Variants in SNTG2 observed in about 807,000 individuals in gnomAD.
SNTG2 encodes gamma-2-syntrophin.
Under a neutral mutation model 70.9 loss-of-function variants are expected in SNTG2, and 74 were observed. The observed-to-expected ratio is 1.04, with a 90% CI of 0.86 to 1.27. The LOEUF (loss-of-function observed/expected upper bound fraction) is 1.27. Among genes scored for constraint, SNTG2 ranks in the 50% most tolerant of loss-of-function variants. The pLI is 0.00. For synonymous variants in SNTG2, 278 were observed against 273.8 expected (o/e 1.02, Z -0.15); for missense variants, 717 against 690.7 (o/e 1.04, Z -0.43).
At chr2:1,123,269 GAAAA>G (rs35572864) in intron 4 of SNTG2, among the ~76,000 whole-genome samples, 3 of 150,850 alleles carry the variant, frequency 2.0e-5, no homozygotes, top group African/African-American at 7.3e-5. Flanking sequence ...ACAGTTCTAA[GAAAA>G]AAAAAGTTGG....
chr2:1,238,210 A>G (rs890795622), intron 10 of SNTG2, among the ~76,000 whole-genome samples, 193 bp downstream of exon 10: 1 of 152,072 alleles, frequency 6.6e-6, no homozygotes, highest in African/African-American at 2.4e-5. Context: ...GAGTAAGGCA[A>G]TGTCTAACAG....
At chr2:1,069,151 G>T (rs993588964) in intron 1 of SNTG2, among the ~76,000 whole-genome samples, 10 of 152,080 alleles carry the variant, frequency 6.6e-5, no homozygotes, top group African/African-American at 2.4e-4. Flanking sequence ...TCTATGTTTT[G>T]GTCTTATCTC....
At chr2:1,126,439 A>G (rs990246269) in intron 4 of SNTG2, among the ~76,000 whole-genome samples, 9 of 152,350 alleles carry the variant, frequency 5.9e-5, no homozygotes, top group African/African-American at 1.7e-4. Context: ...TATTGCTACA[A>G]TTAACATGGG....
At chr2:977,953 T>C (rs184028897) in intron 1 of SNTG2, among the ~76,000 whole-genome samples, 1 of 152,368 alleles carries the variant, frequency 6.6e-6, no homozygotes. Context: ...GTAAGATCGC[T>C]GTCATTATCT....
Position 958,182 on chromosome 2 carries a change from G to C in SNTG2, c.72+7114G>C, listed in dbSNP as rs981291209. The stretch of plus-strand genomic sequence containing the variant: ...GGCTGCAGCCCCTGGGCGTCTGACT[G>C]TGAGAGAGATGTCTCTATCCCACGT... On this transcript the variant is annotated intron_variant, in intron 1 of 16. Transcript: ENST00000308624. Among the ~76,000 whole-genome samples the C allele has an allele frequency of 9.9e-5, 15 of 152,276 alleles. 1 individual carries two copies. Among genetic ancestry groups the C allele is most frequent in the African/African-American group, 3.6e-4 (15 of 41,546 alleles).
intron 9 of SNTG2, among the ~76,000 whole-genome samples, chr2:1,211,217 T>C (rs1674018976): frequency 6.6e-6 from 1 of 152,240 alleles, no homozygotes; most frequent in Non-Finnish European, 1.5e-5. Context: ...TGGGGTTAAT[T>C]TGGGAACAAA....
intron 14 of SNTG2, among the ~76,000 whole-genome samples, chr2:1,307,318 G>A (rs918641322): frequency 1.7e-4 from 25 of 149,958 alleles, no homozygotes; most frequent in African/African-American, 5.9e-4. Context: ...TGCATTGTGT[G>A]TGTGTGTGTG....
chr2:1,253,760 C>T (rs1677894707), intron 12 of SNTG2, among the ~76,000 whole-genome samples: 2 of 152,096 alleles, frequency 1.3e-5, no homozygotes, highest in East Asian at 1.9e-4. Flanking sequence ...GCAAGCTGTA[C>T]AGGAAGCACG....
chr2:1,111,148 A>T (rs1311449446), intron 4 of SNTG2, among the ~76,000 whole-genome samples: 4 of 152,234 alleles, frequency 2.6e-5, no homozygotes, highest in Admixed American at 2.6e-4. Context: ...CTTTATTGCT[A>T]ATGAATCAAT....
chr2:965,069 A>C (rs1416475577), intron 1 of SNTG2, among the ~76,000 whole-genome samples: 1 of 141,938 alleles, frequency 7.0e-6, no homozygotes, highest in East Asian at 2.0e-4. Flanking sequence ...AATCCTCCTT[A>C]GTCCCCCAGT....
chr2:1,307,551 C>A (rs1680755412), intron 14 of SNTG2, among the ~76,000 whole-genome samples: 1 of 151,988 alleles, frequency 6.6e-6, no homozygotes, highest in Non-Finnish European at 1.5e-5. Context: ...TTGGATGTCA[C>A]AGGGTGGCTC....
intron 8 of SNTG2, 97 bp from the exon 9 acceptor site, chr2:1,209,006 G>A (rs1673855786): frequency 1.4e-6 from 2 of 1,449,506 alleles, no homozygotes; most frequent in Middle Eastern, 2.5e-4. Context: ...GAAATGTGTT[G>A]GACTTGAGTT....
At chr2:1,266,463 G>C (rs73908980) in intron 13 of SNTG2, among the ~76,000 whole-genome samples, 1 of 152,176 alleles carries the variant, frequency 6.6e-6, no homozygotes, top group Non-Finnish European at 1.5e-5. Flanking sequence ...TGGGTTAAAC[G>C]ATTAACCAGA....
At chr2:1,363,769 A>C (rs1368915335) in intron 16 of SNTG2, among the ~76,000 whole-genome samples, 1 of 152,254 alleles carries the variant, frequency 6.6e-6, no homozygotes, top group Non-Finnish European at 1.5e-5. Context: ...CAGAGATATC[A>C]TGACTCAGCT....
chr2:1,244,782 T>C (rs1274698490), intron 11 of SNTG2, among the ~76,000 whole-genome samples: 2 of 151,958 alleles, frequency 1.3e-5, no homozygotes, highest in African/African-American at 4.8e-5. Flanking sequence ...TTCCACACTT[T>C]GATGCTAATC....
At chr2:1,148,655 C>T (rs546425595) in intron 6 of SNTG2, among the ~76,000 whole-genome samples, 23 of 152,322 alleles carry the variant, frequency 1.5e-4, no homozygotes, top group South Asian at 1.5e-3. Context: ...GGGTTCCCCC[C>T]GCTCCTTGTG....
At chr2:1,091,487 G>T (rs538735957) in intron 2 of SNTG2, among the ~76,000 whole-genome samples, 1 of 152,188 alleles carries the variant, frequency 6.6e-6, no homozygotes, top group Admixed American at 6.5e-5. Context: ...ATGCCAGGAC[G>T]CAAACATCAT....
chr2:1,251,372 A>C (rs1429935117), intron 12 of SNTG2, among the ~76,000 whole-genome samples: 1 of 152,146 alleles, frequency 6.6e-6, no homozygotes, highest in East Asian at 1.9e-4. Context: ...CAGTCTGTGA[A>C]GCTTTTGAGT....
chr2:979,565 G>A (rs187833403), intron 1 of SNTG2, among the ~76,000 whole-genome samples: 1 of 152,270 alleles, frequency 6.6e-6, no homozygotes, highest in African/African-American at 2.4e-5. Flanking sequence ...GGGAAGCTGG[G>A]AGGTGTCCTA....
Sources: gnomAD v4.1 joint callset for allele counts (sites outside exome capture counted in the v4.1 genomes callset) on GRCh38, gnomAD v4.1.1 for gene constraint, MANE v1.5 for transcripts, NCBI Gene and HGNC (gene_info 2026-07-23, HGNC 2026-07-21) for gene names.